Variants in SPHKAP observed in about 807,000 individuals in gnomAD.
The protein encoded by SPHKAP is SPHK1 interactor, AKAP domain containing.
Under a neutral mutation model 137.5 loss-of-function variants are expected in SPHKAP, and 67 were observed. The observed-to-expected ratio is 0.49, with a 90% CI of 0.40 to 0.60. The LOEUF is 0.60. SPHKAP is among the 20% of genes least tolerant of loss of function. SPHKAP has a pLI of 0.00. For missense variants in SPHKAP, 2,097 were observed against 2,069.3 expected, an observed-to-expected ratio of 1.01 and a Z score of -0.26; for synonymous variants, 813 against 785.3, an observed-to-expected ratio of 1.04 and a Z score of -0.59.
chr2:228,160,621 A>G (rs1303410877), intron 1 of SPHKAP, among the ~76,000 whole-genome samples: 1 of 152,160 alleles, frequency 6.6e-6, no homozygotes, highest in African/African-American at 2.4e-5. Flanking sequence ...GATCCCTCCC[A>G]TGACACTTGG....
At chr2:228,029,627 G>T (rs1169052221) in intron 3 of SPHKAP, among the ~76,000 whole-genome samples, 1 of 152,188 alleles carries the variant, frequency 6.6e-6, no homozygotes, top group African/African-American at 2.4e-5. Flanking sequence ...GGAAGAAATT[G>T]GCATGAGTCC....
At chr2:228,170,567 A>T (rs762900973) in intron 1 of SPHKAP, among the ~76,000 whole-genome samples, 2 of 152,094 alleles carry the variant, frequency 1.3e-5, no homozygotes, top group Non-Finnish European at 2.9e-5. Flanking sequence ...TCAAGGCAAG[A>T]CCCACCACTA....
intron 3 of SPHKAP, among the ~76,000 whole-genome samples, chr2:228,092,228 CACACATGT>C (rs1697780963): frequency 6.8e-6 from 1 of 146,532 alleles, no homozygotes; most frequent in Non-Finnish European, 1.5e-5. Context: ...CACATATATA[CACACATGT>C]ATACACACGT....
At chr2:228,164,390 A>C (rs773773020) in intron 1 of SPHKAP, among the ~76,000 whole-genome samples, 2 of 152,118 alleles carry the variant, frequency 1.3e-5, no homozygotes, top group Admixed American at 1.3e-4. Flanking sequence ...AGTTCTCCCT[A>C]ATAAACTCCC....
At chr2:228,179,072 GAA>G (rs1267633653) in intron 1 of SPHKAP, among the ~76,000 whole-genome samples, 21 of 152,082 alleles carry the variant, frequency 1.4e-4, no homozygotes, top group Admixed American at 1.2e-3. Flanking sequence ...TAAGAAAATG[GAA>G]AAGCCAACAT....
chr2:228,019,595 A>G lies in SPHKAP; in HGVS notation c.1259T>C (p.Val420Ala). 1 of 1,614,178 alleles carries G rather than the reference A, an allele frequency of 6.2e-7. No individual in the cohort carries two copies. The highest frequency in any genetic ancestry group is 8.5e-7 in the Non-Finnish European group (1 of 1,180,014). Residue 420 changes from valine (V) to alanine (A), a missense_variant, in exon 7 of 12, where the codon GTC (valine) becomes GCC (alanine). By Grantham distance (64) the Val-to-Ala change is moderately conservative. Transcript: ENST00000392056. ...CAGAGAACTTCCTACAGAAACACTG[A>G]CTGCAGATTCCTGGGGTAATGTGGA... ...SQSTLPQESA[V>A]SVSVGSSLLP... is the part of the protein sequence containing the mutation.
rs1364858715 is a variant in SPHKAP, at chr2:228,017,153, T to C, written c.3701A>G (p.His1234Arg). 2 of 1,613,916 alleles carry C rather than the reference T, an allele frequency of 1.2e-6. No homozygotes were observed. The change falls in exon 7 of 12, where the codon CAC (histidine) becomes CGC (arginine). Residue 1234 changes from histidine (H) to arginine (R), a missense_variant. His to Arg is a conservative substitution (Grantham distance 29). Transcript: ENST00000392056. Reference protein sequence around the residue: ...LSPSLRSPVCHRQSSMPDSRS... With the variant: ...LSPSLRSPVCRRQSSMPDSRS... ...GCTGTCTGGCATGGACGACTGTCTG[T>C]GGCACACTGGGGATCGCAGAGAAGG...
chr2:228,086,363 A>C (rs967048837), intron 3 of SPHKAP, among the ~76,000 whole-genome samples: 1 of 152,064 alleles, frequency 6.6e-6, no homozygotes, highest in Non-Finnish European at 1.5e-5. Flanking sequence ...CAGAAGCTCC[A>C]TTTGGGCATC....
chr2:228,041,393 C>T (rs1178534984), intron 3 of SPHKAP, among the ~76,000 whole-genome samples: 1 of 152,060 alleles, frequency 6.6e-6, no homozygotes, highest in African/African-American at 2.4e-5. Context: ...ACCTGTAGTC[C>T]CAGCACTTTG....
chr2:228,062,545 C>T (rs1696686500), intron 3 of SPHKAP, among the ~76,000 whole-genome samples: 1 of 151,882 alleles, frequency 6.6e-6, no homozygotes, highest in African/African-American at 2.4e-5. Flanking sequence ...TGTTCTTGAA[C>T]AGTCATTTTT....
intron 1 of SPHKAP, among the ~76,000 whole-genome samples, chr2:228,166,050 G>A (rs1427281608): frequency 6.6e-6 from 1 of 152,210 alleles, no homozygotes; most frequent in Non-Finnish European, 1.5e-5. Context: ...AGTGAGAACA[G>A]TTAATGTCAG....
In SPHKAP at chr2:228,132,027, C is replaced by G; in HGVS notation, c.91G>C (p.Gly31Arg). Residue 31 changes from glycine (G) to arginine (R), a missense_variant, in exon 2 of 12, where the codon GGC (glycine) becomes CGC (arginine). Coordinates refer to ENST00000392056, the MANE Select transcript of SPHKAP (RefSeq NM_001142644.2). ...VLEPQQGRGC[G>R]SSGSGPGNSI... ...TTCCCCGGGCCGCTTCCTGAGCTGC[C>G]ACAGCCTCTGCCCTGCTGCGGTTCC... 6.2e-7 allele frequency: 1 copy of G among 1,614,066 alleles called. No individual in the cohort carries two copies.
intron 3 of SPHKAP, among the ~76,000 whole-genome samples, chr2:228,070,296 G>A (rs531627114): frequency 3.9e-5 from 6 of 152,262 alleles, no homozygotes; most frequent in African/African-American, 1.4e-4. Context: ...TGCTGAGGAG[G>A]AGGAGGAAGA....
At chr2:228,027,258 G>C (rs73096608) in intron 4 of SPHKAP, among the ~76,000 whole-genome samples, 1,549 of 152,306 alleles carry the variant, frequency 0.01, 29 homozygotes, top group African/African-American at 0.032. Flanking sequence ...TGGGCAAGAG[G>C]ATGTGTGCCT....
chr2:227,982,221 C>A lies in SPHKAP; in HGVS notation c.4960-361G>T, dbSNP rs894416289. ...TCTGTAATAGGATTGTGTATTACAG[C>A]TCCCAGTCCCTTCTATTTCTATCAC... On this transcript the variant is annotated intron_variant, in intron 11 of 11. Transcript: ENST00000392056. The A allele has an allele frequency of 5.1e-6, 5 of 985,088 alleles. No individual in the cohort carries two copies. In the African/African-American group the frequency reaches 8.8e-5, roughly 17 times the overall value. The allele number at this position is 985,088 out of a possible 1,614,324, so 61.0% of individuals were successfully genotyped here.
rs755148311 is a variant in SPHKAP, at chr2:227,991,279, G to A, written c.4769C>T (p.Thr1590Ile). 5.0e-6 allele frequency: 8 copies of A among 1,614,082 alleles called. No individual in the cohort carries two copies. The African/African-American group carries it at 9.3e-5, about 19-fold the overall frequency. Residue 1590 changes from threonine to isoleucine, a missense_variant, in exon 10 of 12, where the codon ACA becomes ATA. Physicochemically the swap from Thr to Ile is moderately conservative, Grantham distance 89 (BLOSUM62 -1). Coordinates refer to ENST00000392056, the MANE Select transcript of SPHKAP (RefSeq NM_001142644.2). ...KKILKGQSES[T>I]EAPASGPPTG... is the part of the protein sequence containing the mutation. Reference sequence around the variant, plus strand: ...AGTATGGGAAGGTGGCTTACCCTCTGTGCTTTCTGACTGTCCTTTAAGAAT... The same window carrying A: ...AGTATGGGAAGGTGGCTTACCCTCTATGCTTTCTGACTGTCCTTTAAGAAT...
intron 7 of SPHKAP, among the ~76,000 whole-genome samples, chr2:228,010,693 A>C (rs887376404): frequency 6.6e-6 from 1 of 152,094 alleles, no homozygotes; most frequent in Admixed American, 6.5e-5. Context: ...TTTTCTATCT[A>C]GTGGTTTTTA....
At chr2:228,047,860 C>G (rs1341005960) in intron 3 of SPHKAP, among the ~76,000 whole-genome samples, 1 of 152,046 alleles carries the variant, frequency 6.6e-6, no homozygotes, top group Non-Finnish European at 1.5e-5. Flanking sequence ...GAAGTCTGGA[C>G]AAAAGAAAAT....
intron 7 of SPHKAP, among the ~76,000 whole-genome samples, chr2:228,000,841 A>G (rs1158685370): frequency 6.6e-6 from 1 of 152,202 alleles, no homozygotes; most frequent in Non-Finnish European, 1.5e-5. Context: ...TAAAGCTAGT[A>G]TAAACATCTG....
Sources: gnomAD v4.1 joint callset for allele counts (sites outside exome capture counted in the v4.1 genomes callset) on GRCh38, gnomAD v4.1.1 for gene constraint, MANE v1.5 for transcripts, NCBI Gene and HGNC (gene_info 2026-07-23, HGNC 2026-07-21) for gene names.